GRIN2B: variants seen among roughly 807,000 people sequenced by gnomAD.
The protein encoded by GRIN2B is glutamate ionotropic receptor NMDA type subunit 2B.
GRIN2B carries 5 observed loss-of-function variants against 114.5 expected under a neutral mutation model. The ratio of observed to expected loss-of-function variants is 0.04; its 90% CI spans 0.02 to 0.09. The LOEUF (loss-of-function observed/expected upper bound fraction) is 0.09, where lower values mean the gene tolerates loss of function less well. Ranked by LOEUF, GRIN2B falls within the 10% of genes least tolerant of loss-of-function variation. GRIN2B has a pLI of 1.00. For missense variants in GRIN2B, 1,108 were observed against 1,943.5 expected, an observed-to-expected ratio of 0.57 and a Z score of 8.08; for synonymous variants, 787 against 745.1, an observed-to-expected ratio of 1.06 and a Z score of -0.92.
chr12:13,819,783 T>G (rs1481868413), intron 3 of GRIN2B, among the ~76,000 whole-genome samples: 2 of 152,182 alleles, frequency 1.3e-5, no homozygotes, highest in Non-Finnish European at 2.9e-5. Context: ...AAAAAATCCT[T>G]TGCATATCTG....
intron 5 of GRIN2B, among the ~76,000 whole-genome samples, chr12:13,664,062 T>C (rs1949951223): frequency 6.6e-6 from 1 of 152,198 alleles, no homozygotes; most frequent in Admixed American, 6.5e-5. Flanking sequence ...TTTAAATTTA[T>C]TTAGATAAAT....
At chr12:13,802,173 C>T (rs1864528330) in intron 3 of GRIN2B, among the ~76,000 whole-genome samples, 2 of 152,096 alleles carry the variant, frequency 1.3e-5, no homozygotes, top group South Asian at 4.1e-4. Context: ...GGGGAAAAGA[C>T]AGCTTCCATT....
intron 3 of GRIN2B, among the ~76,000 whole-genome samples, chr12:13,844,519 C>T (rs926475148): frequency 4.6e-5 from 7 of 152,240 alleles, no homozygotes; most frequent in Non-Finnish European, 1.0e-4. Context: ...CCTCTGCATT[C>T]CATTTGACTC....
chr12:13,628,010 A>G (rs558680004), intron 5 of GRIN2B, among the ~76,000 whole-genome samples: 14 of 152,354 alleles, frequency 9.2e-5, no homozygotes, highest in South Asian at 8.3e-4. Flanking sequence ...ACAGGATTTG[A>G]ACACAGGCAG....
chr12:13,621,582 T>C (rs565103660), intron 5 of GRIN2B, among the ~76,000 whole-genome samples: 10 of 129,236 alleles, frequency 7.7e-5, no homozygotes, highest in African/African-American at 3.0e-4. Flanking sequence ...AATCATCTTT[T>C]TCAAGAGAAA....
At chr12:13,661,632 C>T (rs571615973) in intron 5 of GRIN2B, among the ~76,000 whole-genome samples, 2 of 152,124 alleles carry the variant, frequency 1.3e-5, no homozygotes, top group African/African-American at 2.4e-5. Context: ...CGAACTCATC[C>T]GTGTTCTAGG....
chr12:13,657,484 C>T (rs369169012), intron 5 of GRIN2B, among the ~76,000 whole-genome samples: 28 of 152,296 alleles, frequency 1.8e-4, no homozygotes, highest in African/African-American at 6.0e-4. Context: ...TTCATGTTAG[C>T]GATATGGGAA....
At chr12:13,888,690 C>T (rs1866207318) in intron 2 of GRIN2B, among the ~76,000 whole-genome samples, 1 of 150,902 alleles carries the variant, frequency 6.6e-6, no homozygotes, top group Non-Finnish European at 1.5e-5. Flanking sequence ...GCCGAGATCG[C>T]ACCACTGCAT....
At chr12:13,701,160 C>T (rs557373954) in intron 4 of GRIN2B, among the ~76,000 whole-genome samples, 6 of 152,212 alleles carry the variant, frequency 3.9e-5, no homozygotes, top group African/African-American at 1.4e-4. Context: ...AGAACAGCAT[C>T]GAGGGAACCA....
intron 2 of GRIN2B, among the ~76,000 whole-genome samples, chr12:13,971,659 C>T (rs997928436): frequency 1.3e-5 from 2 of 152,176 alleles, no homozygotes; most frequent in African/African-American, 4.8e-5. Flanking sequence ...CCTACATTTA[C>T]ACTGTTACAA....
intron 5 of GRIN2B, among the ~76,000 whole-genome samples, chr12:13,617,327 GC>G (rs1949458056): frequency 6.6e-6 from 1 of 152,234 alleles, no homozygotes. Flanking sequence ...CTGGGTGGAA[GC>G]CCTGGGATGA....
upstream of GRIN2B, chr12:13,981,701 G>A (rs1327756036): frequency 6.6e-6 from 1 of 151,524 alleles, no homozygotes; most frequent in East Asian, 2.0e-4. Context: ...ATCGGAGCCG[G>A]GGGAAGGGAA....
chr12:13,567,070 C>T lies in GRIN2B; in HGVS notation c.2553G>A (p.Met851Ile). Residue 851 changes from methionine (M) to isoleucine (I), a missense_variant, in exon 13 of 14, where the codon ATG (methionine) becomes ATA (isoleucine). By Grantham distance (10) the Met-to-Ile change is conservative. Coordinates refer to ENST00000609686, the MANE Select transcript of GRIN2B (RefSeq NM_000834.5). ...TGCCAGGCTTGCCAGAACAGACACC[C>T]ATAAAGCAATGTCGGAACTGCCAAT... is the stretch of plus-strand genomic sequence containing the variant. ...LFYWQFRHCF[M>I]GVCSGKPGMV... 6.2e-7 allele frequency: 1 copy of T among 1,614,114 alleles called. No homozygotes were observed. The highest frequency in any genetic ancestry group is 2.2e-5 in the East Asian group (1 of 44,886).
intron 5 of GRIN2B, among the ~76,000 whole-genome samples, chr12:13,647,286 T>A (rs1949770053): frequency 1.3e-5 from 2 of 152,098 alleles, no homozygotes; most frequent in Admixed American, 1.3e-4. Context: ...GAAGAGGAAA[T>A]TAAGCTTTGG....
At chr12:13,935,332 A>G (rs771055737) in intron 2 of GRIN2B, among the ~76,000 whole-genome samples, 1 of 152,186 alleles carries the variant, frequency 6.6e-6, no homozygotes, top group Non-Finnish European at 1.5e-5. Flanking sequence ...TCAGAACATA[A>G]CATGACCACA....
At chr12:13,698,124 T>C (rs1950277798) in intron 4 of GRIN2B, among the ~76,000 whole-genome samples, 1 of 152,224 alleles carries the variant, frequency 6.6e-6, no homozygotes, top group African/African-American at 2.4e-5. Flanking sequence ...CAGGCCGTGC[T>C]CCAAGGTTGA....
intron 4 of GRIN2B, among the ~76,000 whole-genome samples, chr12:13,684,152 A>C (rs1299660638): frequency 2.0e-5 from 3 of 152,182 alleles, no homozygotes; most frequent in East Asian, 3.9e-4. Context: ...GTGGGCAGTC[A>C]CTAAATCATA....
intron 2 of GRIN2B, among the ~76,000 whole-genome samples, chr12:13,917,371 G>A (rs1437490051): frequency 6.6e-6 from 1 of 152,190 alleles, no homozygotes; most frequent in Admixed American, 6.5e-5. Context: ...CCATACGATG[G>A]TGACGCAAAA....
intron 2 of GRIN2B, among the ~76,000 whole-genome samples, chr12:13,970,686 AACACACACACACACACACAC>A (rs5796570): frequency 2.1e-5 from 3 of 145,052 alleles, no homozygotes; most frequent in Admixed American, 6.9e-5. Flanking sequence ...GCAGGCTCTA[AACACACACACACACACACAC>A]ACACACACAC....
Sources: gnomAD v4.1 joint callset for allele counts (sites outside exome capture counted in the v4.1 genomes callset) on GRCh38, gnomAD v4.1.1 for gene constraint, MANE v1.5 for transcripts, NCBI Gene and HGNC (gene_info 2026-07-23, HGNC 2026-07-21) for gene names.